The following MED25 variants were observed in gnomAD, a reference collection of about 807,000 sequenced individuals.
The protein encoded by MED25 is mediator complex subunit 25.
In MED25, 62 loss-of-function variants were observed where a neutral mutation model predicts 89.4. The ratio of observed to expected loss-of-function variants is 0.69; its 90% CI spans 0.57 to 0.86. The LOEUF (loss-of-function observed/expected upper bound fraction) is 0.86. MED25 is among the 40% of genes least tolerant of loss of function. The pLI is 0.00. For synonymous variants in MED25, 449 were observed against 427.9 expected, an observed-to-expected ratio of 1.05 and a Z score of -0.61; for missense variants, 905 against 1,005.2, an observed-to-expected ratio of 0.90 and a Z score of 1.35.
At chr19:49,819,492 C>T (rs750445482) in intron 3 of MED25, 196 bp downstream of exon 3, 6 of 616,564 alleles carry the variant, frequency 9.7e-6, no homozygotes, top group African/African-American at 3.7e-5. Context: ...CGTGAATGAG[C>T]GATGGCTTGG....
chr19:49,822,360 C>G (rs950008385), intron 3 of MED25, among the ~76,000 whole-genome samples: 1 of 150,840 alleles, frequency 6.6e-6, no homozygotes, highest in Non-Finnish European at 1.5e-5. Context: ...GCAGGAGAAT[C>G]ACTTCAAGCC....
intron 3 of MED25, among the ~76,000 whole-genome samples, chr19:49,825,546 A>G (rs1349130590): frequency 6.6e-6 from 1 of 151,754 alleles, no homozygotes; most frequent in African/African-American, 2.4e-5. Context: ...GCACCCAGTC[A>G]CTTCCAACTG....
chr19:49,819,612 G>A (rs1280761822), intron 3 of MED25: 1 of 381,212 alleles, frequency 2.6e-6, no homozygotes, highest in Non-Finnish European at 5.0e-6. Context: ...GCTCAGCAAT[G>A]TTGCCATCAG....
intron 3 of MED25, among the ~76,000 whole-genome samples, chr19:49,827,292 A>G (rs2074022103): frequency 6.6e-6 from 1 of 152,210 alleles, no homozygotes; most frequent in African/African-American, 2.4e-5. Context: ...ACTGCAGATC[A>G]GGCGGAGGAG....
In MED25 at chr19:49,818,666, A is replaced by AG. The variant is rs1421746358; in HGVS notation, c.180+50_180+51insG. On this transcript the variant is annotated intron_variant, in intron 2 of 17. Transcript: ENST00000312865. ...GAGGGAGGAGGGGCCGGGGGCCTGG[A>AG]CTCCTGGGTCTGAGGGAGGGAGAAA... The AG allele has an allele frequency of 3.2e-6, 5 of 1,551,978 alleles. No homozygotes were observed. The South Asian group carries it at 5.6e-5, about 17-fold the overall frequency.
chr19:49,818,369 C>T lies in MED25; in HGVS notation c.28C>T (p.Arg10Cys), dbSNP rs1209130181. ...GGTCCCCGGGTCCGAGGGCCCGGCC[C>T]GCGCCGGGAGCGTGGTGGCCGACGT... MVPGSEGPA[R>C]AGSVVADVVF... The change falls in exon 1 of 18, where the codon CGC becomes TGC. Residue 10 changes from arginine to cysteine, a missense_variant. By Grantham distance (180) the Arg-to-Cys change is radical (BLOSUM62 -3). This residue lies in a region of MED25 where 501 missense variants were observed against 526.9 expected (regional missense o/e 0.95). Coordinates refer to ENST00000312865, the MANE Select transcript of MED25 (RefSeq NM_030973.4). 3.1e-6 allele frequency: 5 copies of T among 1,608,516 alleles called. No individual in the cohort carries two copies. The highest frequency in any genetic ancestry group is 4.2e-6 in the Non-Finnish European group (5 of 1,177,442).
Position 49,830,702 on chromosome 19 carries a change from A to G in MED25, c.916A>G (p.Ile306Val). The change falls in exon 9 of 18, where the codon ATC becomes GTC. Residue 306 changes from isoleucine to valine, a missense_variant. Around this residue, in one of 3 missense-constraint regions of MED25, gnomAD observed 501 missense variants for 526.9 expected, o/e 0.95. Transcript: ENST00000312865. This position sits in a 1 kb window ranked among gnomAD's most constrained non-coding sequence, Gnocchi z 4.6. ...KAGLGPRFSP[I>V]TPLQQAAPGV... is the part of the protein sequence containing the mutation. Reference sequence around the variant, plus strand: ...CTTGGTCTCTCCCACAGTCTCGCCCATCACCCCTCTCCAACAAGCTGCTCC... The same window carrying G: ...CTTGGTCTCTCCCACAGTCTCGCCCGTCACCCCTCTCCAACAAGCTGCTCC... The G allele has an allele frequency of 5.0e-6, 8 of 1,613,874 alleles. No individual in the cohort carries two copies. The highest frequency in any genetic ancestry group is 5.9e-6 in the Non-Finnish European group (7 of 1,179,920).
Position 49,831,506 on chromosome 19 carries a change from C to T in MED25, c.1230+45C>T, listed in dbSNP as rs1039041169. On this transcript the variant is annotated intron_variant, in intron 10 of 17. Coordinates refer to ENST00000312865, the MANE Select transcript of MED25 (RefSeq NM_030973.4). The surrounding 1 kb of genome is among the most constrained non-coding windows in gnomAD (Gnocchi z 5.0). ...ATTGGGCACTTGGGACTCCTGGGGC[C>T]GTGGGGCTGGGCATGTAGGACTCAT... The T allele has an allele frequency of 1.1e-5, 18 of 1,597,866 alleles. No homozygotes were observed. Among genetic ancestry groups the T allele is most frequent in the South Asian group, 7.9e-5 (7 of 89,030 alleles).
In MED25 at chr19:49,830,724, C is replaced by T; in HGVS notation, c.938C>T (p.Ala313Val). Residue 313 changes from alanine to valine, a missense_variant, in exon 9 of 18, where the codon GCT (alanine) becomes GTT (valine). Ala to Val is a moderately conservative substitution (Grantham distance 64, BLOSUM62 0). Transcript: ENST00000312865. This position sits in a 1 kb window ranked among gnomAD's most constrained non-coding sequence, Gnocchi z 4.6. ...CCCATCACCCCTCTCCAACAAGCTG[C>T]TCCCGGAGTGGGTCCCCCCTTCAGC... ...FSPITPLQQA[A>V]PGVGPPFSQA... The T allele has an allele frequency of 1.2e-6, 2 of 1,614,040 alleles. No homozygotes were observed. Among genetic ancestry groups the T allele is most frequent in the East Asian group, 4.5e-5 (2 of 44,882 alleles).
chr19:49,818,533 C>T, intron 1 of MED25, 38 bp from the exon 2 acceptor site: 3 of 1,614,228 alleles, frequency 1.9e-6, no homozygotes, highest in Non-Finnish European at 2.5e-6. Flanking sequence ...CGCACAGTTT[C>T]TTGCCTGACT....
chr19:49,837,274 G>A (rs753627599), downstream of MED25, among the ~76,000 whole-genome samples: 5 of 152,396 alleles, frequency 3.3e-5, no homozygotes, highest in South Asian at 2.1e-4. Context: ...AGAATCAGCC[G>A]TCAGGCTGGG....
Position 49,830,929 on chromosome 19 carries a change from C to A in MED25, c.1101+42C>A, listed in dbSNP as rs554993448. 18 of 1,575,186 alleles carry A rather than the reference C, an allele frequency of 1.1e-5. No individual in the cohort carries two copies. Among genetic ancestry groups the A allele is most frequent in the Non-Finnish European group, 1.6e-5 (18 of 1,155,616 alleles). On this transcript the variant is annotated intron_variant, in intron 9 of 17. Transcript: ENST00000312865. The surrounding 1 kb of genome is among the most constrained non-coding windows in gnomAD (Gnocchi z 4.6). ...CTCCTGCCCCTGCTCCTTCCTCCTG[C>A]TGTCCACAGCTAGGACAGTTAGAGG...
In MED25 at chr19:49,822,734, G is replaced by A. The variant is rs138404136; in HGVS notation, c.305+3438G>A. On this transcript the variant is annotated intron_variant, in intron 3 of 17. Transcript: ENST00000312865. The stretch of plus-strand genomic sequence containing the variant: ...GCGATCTCAGCTCACTGCAAGCTCC[G>A]CCTCCCGAGTTCACGCCATTCTCCT... Among the ~76,000 whole-genome samples the A allele has an allele frequency of 3.7e-3, 497 of 132,592 alleles. 2 individuals are homozygous for A. The highest frequency in any genetic ancestry group is 0.013 in the African/African-American group (472 of 35,606). The allele number at this position is 132,592 out of a possible 152,430, so 87.0% of individuals were successfully genotyped here. A position where few individuals can be genotyped will look rare whatever the true frequency, so the allele number is the denominator to read the frequency against.
Position 49,818,316 on chromosome 19 carries a change from T to C in MED25, c.-26T>C, listed in dbSNP as rs993795786. 6 of 1,568,580 alleles carry C rather than the reference T, an allele frequency of 3.8e-6. No individual in the cohort carries two copies. The highest frequency in any genetic ancestry group is 2.3e-5 in the South Asian group (2 of 87,844). ...TCCGCGGCGTCGGCTGCGGCTGCAG[T>C]GGTGGTGGCGGGTACCGCACGGGGT... is the stretch of plus-strand genomic sequence containing the variant. On this transcript the variant is annotated 5_prime_UTR_variant, in exon 1 of 18. Transcript: ENST00000312865.
intron 3 of MED25, among the ~76,000 whole-genome samples, chr19:49,823,284 G>A (rs956536848): frequency 3.3e-5 from 5 of 152,240 alleles, no homozygotes; most frequent in African/African-American, 9.6e-5. Context: ...ACTGCATTTG[G>A]TGTGCAGTAT....
At chr19:49,823,282 T>C (rs1296149158) in intron 3 of MED25, among the ~76,000 whole-genome samples, 2 of 152,182 alleles carry the variant, frequency 1.3e-5, no homozygotes, top group Non-Finnish European at 2.9e-5. Context: ...ATACTGCATT[T>C]GGTGTGCAGT....
chr19:49,826,907 A>G (rs2123873664), intron 3 of MED25, among the ~76,000 whole-genome samples: 1 of 152,236 alleles, frequency 6.6e-6, no homozygotes, highest in South Asian at 2.1e-4. Context: ...GAGGCCTCGG[A>G]TGCTGGGCCG....
rs1345407233 is a variant in MED25 at position 49,834,941 on chromosome 19, C to G, written c.1483-45C>G. ...GGAATGGGGAGGGGGTCAGGGCTGC[C>G]TCTTTCAGGGCCTGAATGGTTCTGA... On this transcript the variant is annotated intron_variant, in intron 13 of 17. Transcript: ENST00000312865. The surrounding 1 kb of genome is among the most constrained non-coding windows in gnomAD (Gnocchi z 4.1). 14 of 1,606,648 alleles carry G rather than the reference C, an allele frequency of 8.7e-6. No individual in the cohort carries two copies. The highest frequency in any genetic ancestry group is 2.2e-5 in the South Asian group (2 of 90,908).
Position 49,830,381 on chromosome 19 carries a change from A to T in MED25, c.820-130A>T, listed in dbSNP as rs2074046365. The T allele has an allele frequency of 9.5e-6, 11 of 1,154,752 alleles. No homozygotes were observed. In the South Asian group the frequency reaches 1.4e-4, roughly 15 times the overall value. The allele number at this position is 1,154,752 out of a possible 1,614,324, so 71.5% of individuals were successfully genotyped here. A position where few individuals can be genotyped will look rare whatever the true frequency, so the allele number is the denominator to read the frequency against. Reference sequence around the variant, plus strand: ...GCCATGGAAGCTCATGTGCTGTGTGATGGGTGTTGTGAGCTAAGCTATCCC... The same window carrying T: ...GCCATGGAAGCTCATGTGCTGTGTGTTGGGTGTTGTGAGCTAAGCTATCCC... On this transcript the variant is annotated intron_variant, in intron 7 of 17. Transcript: ENST00000312865. The surrounding 1 kb of genome is among the most constrained non-coding windows in gnomAD (Gnocchi z 4.6).
Sources: gnomAD v4.1 joint callset for allele counts (sites outside exome capture counted in the v4.1 genomes callset) on GRCh38, gnomAD v4.1.1 for gene constraint, gnomAD v4.1.1 regional missense constraint, Gnocchi (gnomAD v3.1) non-coding constraint, MANE v1.5 for transcripts, NCBI Gene and HGNC (gene_info 2026-07-23, HGNC 2026-07-21) for gene names.